SHTN1: variants seen among roughly 807,000 people sequenced by gnomAD.
SHTN1 encodes the protein shootin 1.
A neutral mutation model predicts 83.1 loss-of-function variants in SHTN1; 42 were observed. The ratio of observed to expected loss-of-function variants is 0.51; its 90% CI spans 0.39 to 0.65. SHTN1 has a LOEUF of 0.65. Ranked by LOEUF, SHTN1 falls within the 30% of genes least tolerant of loss-of-function variation. The probability of loss-of-function intolerance (pLI) is 0.00; values close to 1 mark genes in which losing one functional copy is unlikely to be tolerated. For missense variants in SHTN1, 622 were observed against 737.8 expected, an observed-to-expected ratio of 0.84 and a Z score of 1.82; for synonymous variants, 224 against 247.7, an observed-to-expected ratio of 0.90 and a Z score of 0.90.
chr10:116,915,523 A>G, intron 12 of SHTN1, 39 bp from the exon 13 acceptor site: 1 of 1,135,478 alleles, frequency 8.8e-7, no homozygotes, highest in South Asian at 1.3e-5. Context: ...CTTATGTTAC[A>G]AGAAAACAGC....
intron 1 of SHTN1, among the ~76,000 whole-genome samples, chr10:117,066,753 CGTGGGACTT>C (rs1044773525): frequency 1.3e-5 from 2 of 152,120 alleles, no homozygotes; most frequent in African/African-American, 2.4e-5. Context: ...CTAGAAAGAA[CGTGGGACTT>C]AGAAGACTTC....
chr10:116,951,797 T>C (rs1849787282), intron 6 of SHTN1, 112 bp downstream of exon 6: 1 of 464,648 alleles, frequency 2.2e-6, no homozygotes, highest in Non-Finnish European at 3.9e-6. Flanking sequence ...TTAAAATTGG[T>C]ACATGGTTCT....
In SHTN1 at chr10:116,884,317, G is replaced by A. The variant is rs1220990936; in HGVS notation, c.*2027C>T. 1 of 451,124 alleles carries A rather than the reference G, an allele frequency of 2.2e-6. No individual in the cohort carries two copies. Among genetic ancestry groups the A allele is most frequent in the East Asian group, 7.0e-5 (1 of 14,280 alleles). The allele number at this position is 451,124 out of a possible 1,614,324, so 27.9% of individuals were successfully genotyped here. A position where few individuals can be genotyped will look rare whatever the true frequency, so the allele number is the denominator to read the frequency against. Reference sequence around the variant, plus strand: ...AAACCAAAGTGAAAAGGGAAAAACTGTAGGCAGAAAAAGGTGAGTGAATAT... The same window carrying A: ...AAACCAAAGTGAAAAGGGAAAAACTATAGGCAGAAAAAGGTGAGTGAATAT... On this transcript the variant is annotated 3_prime_UTR_variant, in exon 17 of 17. Coordinates refer to ENST00000355371, the MANE Select transcript of SHTN1 (RefSeq NM_001127211.3).
Position 116,979,274 on chromosome 10 carries a change from G to A in SHTN1, c.93C>T (p.Asn31=). 6.2e-7 allele frequency: 1 copy of A among 1,613,830 alleles called. No homozygotes were observed. Among genetic ancestry groups the A allele is most frequent in the South Asian group, 1.1e-5 (1 of 91,070 alleles). The change falls in exon 2 of 17, where the codon AAC becomes AAT. Residue 31 remains asparagine (N), a synonymous_variant. Coordinates refer to ENST00000355371, the MANE Select transcript of SHTN1 (RefSeq NM_001127211.3). The part of the protein sequence containing the change: ...IGEYEDLRAE[N]QKTKEKCDKI... ...TACAAACCTTCTCCTTTGTTTTCTG[G>A]TTCTCTGCTCTAAGGTCTTCATATT...
At chr10:116,959,867 AT>A (rs1422745561) in intron 4 of SHTN1, among the ~76,000 whole-genome samples, 1 of 152,174 alleles carries the variant, frequency 6.6e-6, no homozygotes, top group African/African-American at 2.4e-5. Flanking sequence ...CTCTGGGACC[AT>A]TTTTTCCACA....
At chr10:116,981,494 T>C (rs577042724) in intron 1 of SHTN1, among the ~76,000 whole-genome samples, 2 of 152,302 alleles carry the variant, frequency 1.3e-5, no homozygotes, top group African/African-American at 2.4e-5. Flanking sequence ...CCTTTTTAAC[T>C]GAAAGAAACA....
chr10:116,907,801 C>T, intron 14 of SHTN1: 1 of 481,280 alleles, frequency 2.1e-6, no homozygotes, highest in Admixed American at 2.2e-5. Context: ...TGCCAGACTT[C>T]ATGCCAGAGT....
rs1311891080 is a variant in SHTN1, at chr10:116,906,689, C to G, written c.1418G>C (p.Ser473Thr). 4 of 1,613,404 alleles carry G rather than the reference C, an allele frequency of 2.5e-6. No individual in the cohort carries two copies. Among genetic ancestry groups the G allele is most frequent in the Non-Finnish European group, 3.4e-6 (4 of 1,179,646 alleles). ...RSLKSLDPENSETELERILRR... is the reference protein window; with the variant it reads ...RSLKSLDPENTETELERILRR... ...CAAAATCCTTTCTAACTCAGTTTCA[C>G]TGTTTTCAGGGTCAAGGGATTTTAA... Residue 473 changes from serine to threonine, a missense_variant, in exon 15 of 17, where the codon AGT becomes ACT. Coordinates refer to ENST00000355371, the MANE Select transcript of SHTN1 (RefSeq NM_001127211.3).
chr10:117,058,105 T>C (rs751439050), intron 1 of SHTN1, among the ~76,000 whole-genome samples: 3 of 152,132 alleles, frequency 2.0e-5, no homozygotes, highest in Non-Finnish European at 4.4e-5. Flanking sequence ...AAAATCTTCA[T>C]GACATTGGAT....
At chr10:117,081,958 C>G (rs1488158108) in intron 1 of SHTN1, among the ~76,000 whole-genome samples, 1 of 147,532 alleles carries the variant, frequency 6.8e-6, no homozygotes, top group African/African-American at 2.5e-5. Context: ...AGAGGTCTAT[C>G]AATTTTGTTG....
rs75217681 is a variant in SHTN1, at chr10:116,964,306, G to C, written c.173-4076C>G. Among the ~76,000 whole-genome samples, 205 of 152,268 alleles carry C rather than the reference G, an allele frequency of 1.3e-3. 2 individuals carry two copies. Among genetic ancestry groups the C allele is most frequent in the East Asian group, 0.012 (62 of 5,166 alleles). On this transcript the variant is annotated intron_variant, in intron 3 of 16. Coordinates refer to ENST00000355371, the MANE Select transcript of SHTN1 (RefSeq NM_001127211.3). ...ATCCTATAACGTAGGGATCATCACA[G>C]CAATTTTATATTTGAGAACACGGAG... is the stretch of plus-strand genomic sequence containing the variant.
intron 1 of SHTN1, among the ~76,000 whole-genome samples, chr10:116,982,629 G>C (rs533311422): frequency 2.6e-5 from 4 of 152,266 alleles, no homozygotes; most frequent in Non-Finnish European, 5.9e-5. Flanking sequence ...TTCCATCAGA[G>C]ACATCCTCCA....
intron 2 of SHTN1, among the ~76,000 whole-genome samples, chr10:117,036,234 C>A (rs1852494979): frequency 1.3e-5 from 2 of 151,820 alleles, no homozygotes; most frequent in African/African-American, 4.8e-5. Flanking sequence ...GGAGTTTCCT[C>A]AAAAAACTAA....
At chr10:116,942,230 T>G (rs868820009) in intron 8 of SHTN1, among the ~76,000 whole-genome samples, 97 of 140,126 alleles carry the variant, frequency 6.9e-4, no homozygotes, top group African/African-American at 2.1e-3. Context: ...TTTTTTTTTT[T>G]GAGATGGAGT....
At chr10:117,093,483 C>T (rs1853462819) in intron 1 of SHTN1, among the ~76,000 whole-genome samples, 1 of 152,164 alleles carries the variant, frequency 6.6e-6, no homozygotes, top group African/African-American at 2.4e-5. Flanking sequence ...CCACTGCACT[C>T]CAGCTGGGGT....
chr10:116,919,286 T>C (rs1564876282), intron 12 of SHTN1, among the ~76,000 whole-genome samples: 2 of 152,342 alleles, frequency 1.3e-5, no homozygotes, highest in African/African-American at 4.8e-5. Context: ...CCTTGCCAGA[T>C]AGAAGGAGGG....
chr10:117,030,182 C>T (rs946734207), intron 2 of SHTN1, among the ~76,000 whole-genome samples: 4 of 152,194 alleles, frequency 2.6e-5, no homozygotes, highest in East Asian at 1.9e-4. Context: ...CCACCATGCC[C>T]GACCCTTTTC....
chr10:116,949,929 T>C (rs892031873), intron 6 of SHTN1, among the ~76,000 whole-genome samples: 3 of 152,128 alleles, frequency 2.0e-5, no homozygotes, highest in Non-Finnish European at 4.4e-5. Context: ...CTCAAATATA[T>C]TGAATTTAGA....
intron 1 of SHTN1, among the ~76,000 whole-genome samples, chr10:117,084,277 G>A (rs923690193): frequency 2.6e-5 from 4 of 152,074 alleles, no homozygotes; most frequent in Non-Finnish European, 5.9e-5. Flanking sequence ...AGGACCCTCA[G>A]CTGCAGGTCT....
Sources: gnomAD v4.1 joint callset for allele counts (sites outside exome capture counted in the v4.1 genomes callset) on GRCh38, gnomAD v4.1.1 for gene constraint, MANE v1.5 for transcripts, NCBI Gene and HGNC (gene_info 2026-07-23, HGNC 2026-07-21) for gene names.